The following CBFA2T2 variants were observed in gnomAD, a reference collection of about 807,000 sequenced individuals.
CBFA2T2 encodes the protein CBFA2/RUNX1 partner transcriptional co-repressor 2.
A neutral mutation model predicts 62.2 loss-of-function variants in CBFA2T2; 11 were observed. The ratio of observed to expected loss-of-function variants is 0.18; its 90% confidence interval spans 0.11 to 0.29. CBFA2T2 has a LOEUF of 0.29. Ranked by LOEUF, CBFA2T2 falls within the 10% of genes least tolerant of loss-of-function variation. The pLI is 1.00. For synonymous variants in CBFA2T2, 295 were observed against 287.5 expected (o/e 1.03, Z -0.27); for missense variants, 592 against 774.1 (o/e 0.76, Z 2.79).
intron 1 of CBFA2T2, among the ~76,000 whole-genome samples, chr20:33,558,155 ACT>A (rs1260876287): frequency 7.2e-6 from 1 of 138,982 alleles, no homozygotes; most frequent in African/African-American, 2.7e-5. Flanking sequence ...TTTTTTTGAG[ACT>A]CTGTCTCACT....
intron 1 of CBFA2T2, among the ~76,000 whole-genome samples, chr20:33,558,136 CTTTT>C (rs56771085): frequency 7.1e-6 from 1 of 141,812 alleles, no homozygotes; most frequent in Non-Finnish European, 1.5e-5. Context: ...CGCGCTCTCT[CTTTT>C]TTTTTTTTTT....
intron 1 of CBFA2T2, among the ~76,000 whole-genome samples, chr20:33,585,485 C>A: frequency 6.6e-6 from 1 of 152,152 alleles, no homozygotes; most frequent in East Asian, 1.9e-4. Flanking sequence ...TTCATAATTA[C>A]AATTTTTAAT....
At chr20:33,561,084 G>A (rs1011910464) in intron 1 of CBFA2T2, among the ~76,000 whole-genome samples, 3 of 152,150 alleles carry the variant, frequency 2.0e-5, no homozygotes, top group African/African-American at 7.2e-5. Context: ...CACCATGTTG[G>A]CCAGGATGGT....
At chr20:33,546,527 G>A (rs1004429825) in intron 1 of CBFA2T2, among the ~76,000 whole-genome samples, 2 of 150,784 alleles carry the variant, frequency 1.3e-5, no homozygotes, top group Non-Finnish European at 2.9e-5. Flanking sequence ...TACCTGCTCA[G>A]CTCTAGCAAT....
chr20:33,616,133 A>ATAGATAGG (rs2015705063), intron 3 of CBFA2T2, among the ~76,000 whole-genome samples: 1 of 150,092 alleles, frequency 6.7e-6, no homozygotes, highest in South Asian at 2.1e-4. Context: ...AGATAGATAG[A>ATAGATAGG]TGACAGAGCA....
chr20:33,576,742 A>C (rs1279571402), intron 1 of CBFA2T2, among the ~76,000 whole-genome samples: 2 of 152,292 alleles, frequency 1.3e-5, no homozygotes, highest in Non-Finnish European at 2.9e-5. Context: ...TAACAGCTCG[A>C]CATCTGCAGG....
chr20:33,519,185 T>G (rs1393879396), intron 1 of CBFA2T2, among the ~76,000 whole-genome samples: 1 of 152,056 alleles, frequency 6.6e-6, no homozygotes, highest in Non-Finnish European at 1.5e-5. Flanking sequence ...ATATACAGAT[T>G]GTGGCTGGGC....
chr20:33,549,479 G>C (rs2012673094), intron 1 of CBFA2T2, among the ~76,000 whole-genome samples: 1 of 152,092 alleles, frequency 6.6e-6, no homozygotes, highest in African/African-American at 2.4e-5. Context: ...GAAATATTTT[G>C]CTAAATTAAA....
intron 1 of CBFA2T2, among the ~76,000 whole-genome samples, chr20:33,545,171 G>A (rs2012518317): frequency 1.3e-5 from 2 of 152,160 alleles, no homozygotes; most frequent in African/African-American, 4.8e-5. Context: ...ACTTTAGGAA[G>A]CAGTGTTTCT....
intron 1 of CBFA2T2, among the ~76,000 whole-genome samples, chr20:33,605,130 G>A (rs1000691235): frequency 6.6e-6 from 1 of 152,162 alleles, no homozygotes; most frequent in South Asian, 2.1e-4. Context: ...TGTGGCCACT[G>A]CAAACTGAAG....
intron 1 of CBFA2T2, among the ~76,000 whole-genome samples, chr20:33,590,466 C>G (rs1380523919): frequency 6.6e-6 from 1 of 152,158 alleles, no homozygotes; most frequent in South Asian, 2.1e-4. Context: ...TGCGCATGCC[C>G]CAGGAATATA....
Position 33,606,646 on chromosome 20 carries a change from T to TC in CBFA2T2, c.35-309dup, listed in dbSNP as rs538342580. Among the ~76,000 whole-genome samples the TC allele has an allele frequency of 3.7e-4, 56 of 152,264 alleles. No homozygotes were observed. In the East Asian group the frequency reaches 0.01, roughly 28 times the overall value. On this transcript the variant is annotated intron_variant, in intron 1 of 10. Coordinates refer to ENST00000342704, the MANE Select transcript of CBFA2T2 (RefSeq NM_001032999.3). ...TCTCTTTGGCTTCCCTCTGTGTATG[T>TC]CTCTGTGTCTGTGTCTCATCCCTTC...
intron 8 of CBFA2T2, among the ~76,000 whole-genome samples, chr20:33,631,083 G>A (rs534717603): frequency 1.3e-5 from 2 of 152,236 alleles, no homozygotes; most frequent in African/African-American, 2.4e-5. Context: ...CGGAGGCTGA[G>A]GTGGGCAGAT....
intron 1 of CBFA2T2, among the ~76,000 whole-genome samples, chr20:33,557,105 C>A (rs1568817632): frequency 1.3e-5 from 2 of 148,382 alleles, no homozygotes; most frequent in East Asian, 2.0e-4. Flanking sequence ...ACCTCCGCCT[C>A]CTGGGTTCAA....
At chr20:33,636,036 C>A (rs140954585) in intron 8 of CBFA2T2, among the ~76,000 whole-genome samples, 1 of 151,902 alleles carries the variant, frequency 6.6e-6, no homozygotes, top group African/African-American at 2.4e-5. Flanking sequence ...TTCCGAAACA[C>A]GTAGAAATTT....
chr20:33,531,276 A>C (rs1451045541), intron 1 of CBFA2T2, among the ~76,000 whole-genome samples: 4 of 152,212 alleles, frequency 2.6e-5, no homozygotes, highest in African/African-American at 9.6e-5. Flanking sequence ...AACTGTAAGC[A>C]CATTGATCTA....
chr20:33,607,180 A>G (rs1601054222), intron 2 of CBFA2T2, 81 bp downstream of exon 2: 10 of 1,319,732 alleles, frequency 7.6e-6, no homozygotes, highest in South Asian at 3.0e-5. Flanking sequence ...AGCGTTCCAC[A>G]TATATTATTC....
At position 33,590,338 on chromosome 20, in the gene CBFA2T2, A is replaced by AT. The variant is rs1275991661; in HGVS notation, c.35-16610dup. On this transcript the variant is annotated intron_variant, in intron 1 of 10. Transcript: ENST00000342704. ...AAAGAAACCATCAAACCCTAAGGTA[A>AT]TTTTTTTTAAGTACCTGTTGGCCCA... Among the ~76,000 whole-genome samples the AT allele has an allele frequency of 9.5e-4, 145 of 152,016 alleles. 2 individuals are homozygous for AT. Among genetic ancestry groups the AT allele is most frequent in the Non-Finnish European group, 1.9e-4 (13 of 67,966 alleles).
chr20:33,636,833 T>C (rs558979123), intron 9 of CBFA2T2, 125 bp downstream of exon 9: 6 of 654,540 alleles, frequency 9.2e-6, no homozygotes, highest in South Asian at 8.8e-5. Flanking sequence ...CTCATAGAGC[T>C]CTAGGCTCCT....
Sources: allele counts gnomAD v4.1 joint callset (sites outside exome capture counted in the v4.1 genomes callset), GRCh38; gene constraint gnomAD v4.1.1; transcripts MANE v1.5; gene names NCBI Gene and HGNC (gene_info 2026-07-23, HGNC 2026-07-21).